Variants in LIPH observed in about 807,000 individuals in gnomAD.
LIPH encodes the protein lipase member H.
In LIPH, 32 loss-of-function variants were observed where a neutral mutation model predicts 47.6. The observed-to-expected ratio is 0.67, with a 90% CI of 0.51 to 0.90. The LOEUF is 0.90. LIPH is among the 40% of genes least tolerant of loss of function. LIPH has a pLI of 0.00. For synonymous variants in LIPH, 190 were observed against 195.6 expected (o/e 0.97, Z 0.24); for missense variants, 497 against 541.4 (o/e 0.92, Z 0.81).
intron 1 of LIPH, among the ~76,000 whole-genome samples, chr3:185,537,816 G>A (rs1388126467): frequency 1.3e-5 from 2 of 152,058 alleles, no homozygotes; most frequent in African/African-American, 4.8e-5. Context: ...CTGGTTTTGT[G>A]TTTTGTTTTG....
At chr3:185,510,715 G>A (rs895024331) in intron 9 of LIPH, among the ~76,000 whole-genome samples, 13 of 152,102 alleles carry the variant, frequency 8.5e-5, no homozygotes, top group Non-Finnish European at 1.6e-4. Context: ...CTAAAAATAC[G>A]AAAATATTTT....
chr3:185,523,412 CT>C (rs1287758862), intron 5 of LIPH, among the ~76,000 whole-genome samples: 1 of 151,842 alleles, frequency 6.6e-6, no homozygotes, highest in African/African-American at 2.4e-5. Flanking sequence ...ATGCCTTTTT[CT>C]TTTCTTTTTT....
At position 185,508,533 on chromosome 3, in the gene LIPH, G is replaced by T; in HGVS notation, c.*257C>A. 2.0e-6 allele frequency: 1 copy of T among 493,700 alleles called. No homozygotes were observed. The highest frequency in any genetic ancestry group is 1.9e-5 in the African/African-American group (1 of 51,536). The allele number at this position is 493,700 out of a possible 1,614,324, so 30.6% of individuals were successfully genotyped here. On this transcript the variant is annotated 3_prime_UTR_variant, in exon 10 of 10. Coordinates refer to ENST00000296252, the MANE Select transcript of LIPH (RefSeq NM_139248.3). ...ACAGGTCGGAACAAGGGAGGCCCCA[G>T]GACACAGCAGACACAGCGCTGCGCT...
chr3:185,524,243 A>G lies in LIPH; in HGVS notation c.629-83T>C, dbSNP rs1400322510. ...CATTTGCCTGCCAGGTATAAGCAGG[A>G]ATTGTATTATTATTGTTGTTTATCA... On this transcript the variant is annotated intron_variant, in intron 4 of 9. Transcript: ENST00000296252. 3.7e-5 allele frequency: 30 copies of G among 803,506 alleles called. No individual in the cohort carries two copies. The East Asian group carries it at 7.4e-4, about 20-fold the overall frequency. 49.8% of individuals were successfully genotyped at this position (803,506 alleles called of 1,614,324 possible).
At chr3:185,530,825 A>AC (rs1161197927) in intron 3 of LIPH, among the ~76,000 whole-genome samples, 2 of 151,998 alleles carry the variant, frequency 1.3e-5, no homozygotes, top group African/African-American at 4.8e-5. Context: ...TTGTGATTGC[A>AC]CCACTGCATT....
chr3:185,522,671 AAAG>A (rs1719942792), intron 5 of LIPH, among the ~76,000 whole-genome samples: 1 of 34,086 alleles, frequency 2.9e-5, no homozygotes, highest in African/African-American at 1.6e-4. Flanking sequence ...AGAAAGAAAG[AAAG>A]AAAGAAAGAA....
chr3:185,536,791 C>T (rs1183969813), intron 1 of LIPH, among the ~76,000 whole-genome samples: 1 of 152,118 alleles, frequency 6.6e-6, no homozygotes, highest in African/African-American at 2.4e-5. Context: ...CGTTACTTAA[C>T]AATTAGTGAA....
chr3:185,513,020 C>T (rs62290247), intron 8 of LIPH, among the ~76,000 whole-genome samples: 1 of 151,766 alleles, frequency 6.6e-6, no homozygotes, highest in Non-Finnish European at 1.5e-5. Context: ...CCTGGAAACC[C>T]GTGTGCCAGA....
At chr3:185,530,385 T>G (rs1351971053) in intron 3 of LIPH, among the ~76,000 whole-genome samples, 4 of 151,612 alleles carry the variant, frequency 2.6e-5, no homozygotes, top group East Asian at 3.9e-4. Context: ...GGCTGAGGCA[T>G]GAGAATCTCT....
intron 8 of LIPH, among the ~76,000 whole-genome samples, chr3:185,513,519 A>G (rs1158515080): frequency 6.6e-6 from 1 of 152,162 alleles, no homozygotes; most frequent in African/African-American, 2.4e-5. Flanking sequence ...AAAACAGTAT[A>G]GTGGTGTCTC....
intron 1 of LIPH, among the ~76,000 whole-genome samples, chr3:185,548,986 G>T (rs750601798): frequency 2.0e-5 from 3 of 151,912 alleles, no homozygotes; most frequent in Non-Finnish European, 4.4e-5. Flanking sequence ...ACAAAAATTA[G>T]CTGGGCGTGG....
Position 185,511,644 on chromosome 3 carries a change from T to C in LIPH, c.1148A>G (p.Asn383Ser), listed in dbSNP as rs1719569378. ...TGCAGCCACTTTATCCAGATCTTGA[T>C]TAAATCTTGCAAGTAGACTCACTTG... ...YHQVSLLARF[N>S]QDLDKVAAIS... Residue 383 changes from asparagine to serine, a missense_variant, in exon 9 of 10, where the codon AAT (asparagine) becomes AGT (serine). Coordinates refer to ENST00000296252, the MANE Select transcript of LIPH (RefSeq NM_139248.3). 1 of 1,613,692 alleles carries C rather than the reference T, an allele frequency of 6.2e-7. No individual in the cohort carries two copies. Among genetic ancestry groups the C allele is most frequent in the Admixed American group, 1.7e-5 (1 of 60,008 alleles).
intron 3 of LIPH, among the ~76,000 whole-genome samples, chr3:185,531,367 C>T (rs934632820): frequency 6.6e-6 from 1 of 150,946 alleles, no homozygotes; most frequent in East Asian, 2.0e-4. Flanking sequence ...GGCAACATGG[C>T]GAAACTCCAT....
At chr3:185,512,648 C>G (rs1719606423) in intron 8 of LIPH, among the ~76,000 whole-genome samples, 1 of 151,844 alleles carries the variant, frequency 6.6e-6, no homozygotes, top group East Asian at 1.9e-4. Context: ...GCCACCCCTC[C>G]TGGCTAATTT....
intron 1 of LIPH, among the ~76,000 whole-genome samples, chr3:185,544,034 A>G (rs553213901): frequency 6.6e-6 from 1 of 152,002 alleles, no homozygotes; most frequent in Non-Finnish European, 1.5e-5. Flanking sequence ...TATTTTTAGT[A>G]GAGACAGGGT....
intron 3 of LIPH, among the ~76,000 whole-genome samples, chr3:185,533,037 A>C (rs1720382120): frequency 6.6e-6 from 1 of 152,124 alleles, no homozygotes; most frequent in Non-Finnish European, 1.5e-5. Context: ...GAAAGCTACT[A>C]AGCCCTAGGC....
chr3:185,527,175 C>A (rs987721775), intron 4 of LIPH, among the ~76,000 whole-genome samples: 2 of 151,960 alleles, frequency 1.3e-5, no homozygotes, highest in Admixed American at 1.3e-4. Context: ...GGAGGCAGAG[C>A]TTGCAGTGAG....
At chr3:185,522,650 A>AAAAGAAAGAAAGAAAGAAAG (rs59353669) in intron 5 of LIPH, among the ~76,000 whole-genome samples, 9 of 141,896 alleles carry the variant, frequency 6.3e-5, no homozygotes, top group African/African-American at 2.1e-4. Context: ...GAGAGAAAGA[A>AAAAGAAAGAAAGAAAGAAAG]AAAGAAAGAA....
chr3:185,511,731 A>G, intron 8 of LIPH, 34 bp from the exon 9 acceptor site: 1 of 1,501,690 alleles, frequency 6.7e-7, no homozygotes, highest in Non-Finnish European at 9.3e-7. Flanking sequence ...AAAATGGATA[A>G]AGACTACTAA....
Sources: allele counts gnomAD v4.1 joint callset (sites outside exome capture counted in the v4.1 genomes callset), GRCh38; gene constraint gnomAD v4.1.1; transcripts MANE v1.5; gene names NCBI Gene and HGNC (gene_info 2026-07-23, HGNC 2026-07-21).